GALNT2: variants seen among roughly 807,000 people sequenced by gnomAD.
GALNT2 encodes UDP-GalNAc:polypeptide N-acetylgalactosaminyltransferase 2.
In GALNT2, 31 loss-of-function variants were observed where a neutral mutation model predicts 81.4. The observed-to-expected ratio is 0.38, with a 90% confidence interval of 0.29 to 0.51. The LOEUF is 0.51. Ranked by LOEUF, GALNT2 falls within the 20% of genes least tolerant of loss-of-function variation. The pLI is 0.87. For synonymous variants in GALNT2, 303 were observed against 287.4 expected, an observed-to-expected ratio of 1.05 and a Z score of -0.55; for missense variants, 629 against 765.7, an observed-to-expected ratio of 0.82 and a Z score of 2.11.
intron 3 of GALNT2, among the ~76,000 whole-genome samples, chr1:230,224,550 T>C (rs1159676169): frequency 6.6e-6 from 1 of 152,248 alleles, no homozygotes; most frequent in Non-Finnish European, 1.5e-5. Flanking sequence ...TGGTGCTCTT[T>C]GAATGAAAAA....
chr1:230,127,860 G>A (rs1389226864), intron 1 of GALNT2, among the ~76,000 whole-genome samples: 3 of 152,092 alleles, frequency 2.0e-5, no homozygotes, highest in Non-Finnish European at 4.4e-5. Flanking sequence ...TATTGCTGAC[G>A]TGGCATGTAA....
chr1:230,087,174 G>A (rs1281046570), intron 1 of GALNT2, among the ~76,000 whole-genome samples: 1 of 152,144 alleles, frequency 6.6e-6, no homozygotes, highest in Admixed American at 6.5e-5. Flanking sequence ...CCAGCATCTG[G>A]CACCGCCCTT....
chr1:230,163,708 G>T (rs1248323486), intron 1 of GALNT2, among the ~76,000 whole-genome samples: 2 of 152,230 alleles, frequency 1.3e-5, no homozygotes, highest in Non-Finnish European at 2.9e-5. Context: ...GACGAAGTGT[G>T]TGGAAAGGAG....
At position 230,231,773 on chromosome 1, in the gene GALNT2, G is replaced by A. The variant is rs537545981; in HGVS notation, c.375-4241G>A. Among the ~76,000 whole-genome samples the A allele has an allele frequency of 6.6e-5, 10 of 152,138 alleles. No individual in the cohort carries two copies. The South Asian group carries it at 1.2e-3, about 19-fold the overall frequency. On this transcript the variant is annotated intron_variant, in intron 3 of 15. Transcript: ENST00000366672. ...CAGTTTTTAAAGCCTCCATTTTACC[G>A]AACAGGAAGTTTGCAGAATGATCAC... is the stretch of plus-strand genomic sequence containing the variant.
intron 15 of GALNT2, among the ~76,000 whole-genome samples, chr1:230,274,901 T>A (rs1241918677): frequency 1.3e-5 from 2 of 152,026 alleles, no homozygotes; most frequent in African/African-American, 4.8e-5. Flanking sequence ...ACTCGATACA[T>A]AATGCAAGTG....
chr1:230,172,551 G>A (rs1662828079), intron 1 of GALNT2, among the ~76,000 whole-genome samples: 2 of 152,158 alleles, frequency 1.3e-5, no homozygotes. Flanking sequence ...CCAATCCTCT[G>A]GGAAACGAAT....
chr1:230,088,004 A>C (rs2102762228), intron 1 of GALNT2, among the ~76,000 whole-genome samples: 1 of 152,330 alleles, frequency 6.6e-6, no homozygotes, highest in East Asian at 1.9e-4. Flanking sequence ...GGCTAAATGA[A>C]TATGGGGGTG....
intron 2 of GALNT2, among the ~76,000 whole-genome samples, chr1:230,182,493 T>G (rs1663191240): frequency 2.0e-5 from 3 of 152,260 alleles, no homozygotes; most frequent in Non-Finnish European, 4.4e-5. Context: ...GACCCCTGTG[T>G]CATTTAGAAG....
At chr1:230,278,825 A>G (rs1036337947) in intron 15 of GALNT2, among the ~76,000 whole-genome samples, 2 of 152,186 alleles carry the variant, frequency 1.3e-5, no homozygotes, top group Admixed American at 1.3e-4. Flanking sequence ...GAAAGCCCTA[A>G]GTGGGAGCAT....
intron 1 of GALNT2, among the ~76,000 whole-genome samples, chr1:230,169,585 G>T (rs1258336460): frequency 6.6e-6 from 1 of 152,216 alleles, no homozygotes; most frequent in Non-Finnish European, 1.5e-5. Context: ...TGGAATCAAT[G>T]TGCAGGATGA....
Position 230,105,007 on chromosome 1 carries a change from G to A in GALNT2, c.126+37601G>A, listed in dbSNP as rs115238340. ...ATGTAGGCAGGAGGGCCACAGTGGC[G>A]CTGTGGATTCAGACCACACCTTCGG... On this transcript the variant is annotated intron_variant, in intron 1 of 15. Coordinates refer to ENST00000366672, the MANE Select transcript of GALNT2 (RefSeq NM_004481.5). 8.7e-3 allele frequency among the ~76,000 whole-genome samples: 1,327 copies of A among 152,358 alleles called. 25 individuals are homozygous for A. Among genetic ancestry groups the A allele is most frequent in the African/African-American group, 0.029 (1,200 of 41,584 alleles).
At chr1:230,206,104 A>T (rs1374947840) in intron 3 of GALNT2, among the ~76,000 whole-genome samples, 10 of 152,076 alleles carry the variant, frequency 6.6e-5, no homozygotes, top group Admixed American at 6.5e-4. Flanking sequence ...TCTTTTCACC[A>T]TGTGGGTTAA....
intron 1 of GALNT2, among the ~76,000 whole-genome samples, chr1:230,095,063 C>T (rs967877797): frequency 6.6e-5 from 10 of 152,254 alleles, no homozygotes; most frequent in South Asian, 4.2e-4. Context: ...GTCTGCTGGT[C>T]CTCATACGGT....
chr1:230,207,115 C>T (rs75745525), intron 3 of GALNT2, among the ~76,000 whole-genome samples: 2,542 of 151,998 alleles, frequency 0.017, 68 homozygotes, highest in African/African-American at 0.058. Context: ...CAGACACCTC[C>T]GGGCACTCAG....
In GALNT2 at chr1:230,245,991, A is replaced by T. The variant is rs1002339398; in HGVS notation, c.730-72A>T. The T allele has an allele frequency of 1.1e-5, 14 of 1,266,826 alleles. No individual in the cohort carries two copies. The African/African-American group carries it at 1.9e-4, about 17-fold the overall frequency. 78.5% of individuals were successfully genotyped at this position (1,266,826 alleles called of 1,614,324 possible). On this transcript the variant is annotated intron_variant, in intron 7 of 15. Transcript: ENST00000366672. ...TTTGCCCTGTGCCTGCCTAATACTA[A>T]TGCCTTCTGTGGTTGGGCAGGTTTT...
chr1:230,263,037 G>C, intron 13 of GALNT2, 32 bp downstream of exon 13: 1 of 1,575,218 alleles, frequency 6.3e-7, no homozygotes, highest in Non-Finnish European at 8.7e-7. Context: ...GTTTCACTTT[G>C]TAAGGGCTTA....
At chr1:230,278,540 G>T (rs1666355729) in intron 15 of GALNT2, among the ~76,000 whole-genome samples, 1 of 152,086 alleles carries the variant, frequency 6.6e-6, no homozygotes, top group African/African-American at 2.4e-5. Flanking sequence ...GGTTGAGTTT[G>T]GTTGTTCGCT....
At position 230,275,788 on chromosome 1, in the gene GALNT2, TATATACATGCCACATATATATACAA is replaced by T. The variant is rs1052517288; in HGVS notation, c.1560+1245_1560+1269del. Among the ~76,000 whole-genome samples, 3 of 151,218 alleles carry T rather than the reference TATATACATGCCACATATATATACAA, an allele frequency of 2.0e-5. No individual in the cohort carries two copies. Among genetic ancestry groups the T allele is most frequent in the Admixed American group, 1.3e-4 (2 of 15,144 alleles). ...TACATACACCACAGATATATACATA[TATATACATGCCACATATATATACAA>T]ATATACATGCCACATATATACATGT... On this transcript the variant is annotated intron_variant, in intron 15 of 15. Transcript: ENST00000366672. The surrounding 1 kb of genome is among the most constrained non-coding windows in gnomAD (Gnocchi z 5.5).
At chr1:230,214,879 T>G (rs918595667) in intron 3 of GALNT2, among the ~76,000 whole-genome samples, 2 of 152,236 alleles carry the variant, frequency 1.3e-5, no homozygotes, top group African/African-American at 4.8e-5. Flanking sequence ...TGTTCATTGA[T>G]CCTTTCCTCT....
Sources: allele counts gnomAD v4.1 joint callset (sites outside exome capture counted in the v4.1 genomes callset), GRCh38; gene constraint gnomAD v4.1.1; non-coding constraint Gnocchi (gnomAD v3.1); transcripts MANE v1.5; gene names NCBI Gene and HGNC (gene_info 2026-07-23, HGNC 2026-07-21).